KALRN: variants seen among roughly 807,000 people sequenced by gnomAD.
KALRN encodes the protein kalirin RhoGEF kinase, also known as kalirin.
Under a neutral mutation model 353.7 loss-of-function variants are expected in KALRN, and 70 were observed. The ratio of observed to expected loss-of-function variants is 0.20; its 90% confidence interval spans 0.16 to 0.24. The LOEUF (loss-of-function observed/expected upper bound fraction) is 0.24, where lower values mean the gene tolerates loss of function less well. Among genes scored for constraint, KALRN ranks in the 10% least tolerant of loss-of-function variants. The pLI, the probability that KALRN is intolerant of heterozygous loss-of-function variation, is 1.00. For synonymous variants in KALRN, 1,391 were observed against 1,434.8 expected, an observed-to-expected ratio of 0.97 and a Z score of 0.69; for missense variants, 2,791 against 3,756.7, an observed-to-expected ratio of 0.74 and a Z score of 6.72.
intron 1 of KALRN, chr3:124,152,420 C>T: frequency 7.4e-7 from 1 of 1,343,476 alleles, no homozygotes; most frequent in South Asian, 1.2e-5. Context: ...ATCCTGATGA[C>T]AAATGCCAAT....
At chr3:124,672,900 G>C (rs1177442026) in intron 48 of KALRN, among the ~76,000 whole-genome samples, 3 of 152,142 alleles carry the variant, frequency 2.0e-5, no homozygotes, top group Non-Finnish European at 4.4e-5. Flanking sequence ...ACATGTTCCA[G>C]TTTTATAGTT....
chr3:124,641,016 G>T (rs1354083), intron 37 of KALRN, among the ~76,000 whole-genome samples: 9 of 151,836 alleles, frequency 5.9e-5, no homozygotes, highest in African/African-American at 2.2e-4. Flanking sequence ...TTTAGAATTC[G>T]TTTGGCTCCC....
chr3:124,621,627 C>T (rs1009931319), intron 34 of KALRN, among the ~76,000 whole-genome samples: 1 of 152,182 alleles, frequency 6.6e-6, no homozygotes, highest in African/African-American at 2.4e-5. Context: ...TTCTAGCTCC[C>T]CCCACTTCCC....
At position 124,717,292 on chromosome 3, in the gene KALRN, A is replaced by T; in HGVS notation, c.8322A>T (p.Glu2774Asp). Reference sequence around the variant, plus strand: ...TAGACTACCTTATGAATCATGATGAACTGATGGAGGAAAAAGTAGCTTTCT... The same window carrying T: ...TAGACTACCTTATGAATCATGATGATCTGATGGAGGAAAAAGTAGCTTTCT... ...RLLDYLMNHD[E>D]LMEEKVAFYI... is the part of the protein sequence containing the mutation. The change falls in exon 59 of 60, where the codon GAA becomes GAT. Residue 2774 changes from glutamate to aspartate, a missense_variant. This residue lies in a region of KALRN where 188 missense variants were observed against 402.9 expected (regional missense o/e 0.47). Transcript: ENST00000682506. The T allele has an allele frequency of 6.2e-7, 1 of 1,613,204 alleles. No homozygotes were observed. The highest frequency in any genetic ancestry group is 8.5e-7 in the Non-Finnish European group (1 of 1,179,458).
At chr3:124,711,863 G>A (rs1028543785) in intron 57 of KALRN, among the ~76,000 whole-genome samples, 2 of 152,152 alleles carry the variant, frequency 1.3e-5, no homozygotes, top group African/African-American at 2.4e-5. Flanking sequence ...TATTGAAGTT[G>A]GCTGCATAGG....
At chr3:124,207,739 A>G (rs2076536864) in intron 1 of KALRN, among the ~76,000 whole-genome samples, 1 of 152,210 alleles carries the variant, frequency 6.6e-6, no homozygotes, top group African/African-American at 2.4e-5. Context: ...CCTTAGGGTA[A>G]TTGAGAGAAT....
intron 51 of KALRN, among the ~76,000 whole-genome samples, chr3:124,683,219 C>A (rs187956276): frequency 6.6e-6 from 1 of 152,260 alleles, no homozygotes; most frequent in Non-Finnish European, 1.5e-5. Flanking sequence ...GGTTAGACTG[C>A]CTTGTGCCTT....
intron 10 of KALRN, among the ~76,000 whole-genome samples, chr3:124,373,437 C>T (rs1052903550): frequency 2.2e-4 from 33 of 152,280 alleles, no homozygotes; most frequent in Non-Finnish European, 1.2e-4. Context: ...GTTTGTTTCC[C>T]GTGGCTACTG....
chr3:124,330,244 T>TCACA (rs1278125602), intron 8 of KALRN, among the ~76,000 whole-genome samples: 94 of 96,220 alleles, frequency 9.8e-4, no homozygotes, highest in Middle Eastern at 5.4e-3. Context: ...TCTCTCTCTC[T>TCACA]CTCACACACA....
At position 124,723,088 on chromosome 3, in the gene KALRN, A is replaced by G. The variant is rs2063379189; in HGVS notation, c.*3618A>G. On this transcript the variant is annotated 3_prime_UTR_variant, in exon 60 of 60. Transcript: ENST00000682506. Reference sequence around the variant, plus strand: ...TGGAGATATCCTTCAGGTCTCTCTCAGCCATAAACAATGTAAGGGGGAGTA... The same window carrying G: ...TGGAGATATCCTTCAGGTCTCTCTCGGCCATAAACAATGTAAGGGGGAGTA... The G allele has an allele frequency of 1.3e-5, 2 of 152,230 alleles. No individual in the cohort carries two copies. Among genetic ancestry groups the G allele is most frequent in the African/African-American group, 4.8e-5 (2 of 41,458 alleles). The allele number at this position is 152,230 out of a possible 1,614,324, so 9.4% of individuals were successfully genotyped here.
At chr3:124,509,337 C>T (rs574822529) in intron 33 of KALRN, among the ~76,000 whole-genome samples, 6 of 152,136 alleles carry the variant, frequency 3.9e-5, no homozygotes, top group African/African-American at 1.4e-4. Context: ...GCCCCCAGAG[C>T]TGCTGGGATT....
At chr3:124,064,976 C>T (rs1221395728) in intron 1 of KALRN, among the ~76,000 whole-genome samples, 1 of 152,102 alleles carries the variant, frequency 6.6e-6, no homozygotes, top group Non-Finnish European at 1.5e-5. Flanking sequence ...GAGTAGGTGA[C>T]AATGGACATA....
At chr3:124,447,063 A>G (rs369871737) in intron 21 of KALRN, among the ~76,000 whole-genome samples, 178 bp downstream of exon 21, 2 of 152,296 alleles carry the variant, frequency 1.3e-5, no homozygotes, top group East Asian at 3.9e-4. Flanking sequence ...TACCCAAAGA[A>G]TTGCAGCTGC....
chr3:124,255,690 G>A (rs542187440), intron 3 of KALRN, among the ~76,000 whole-genome samples: 275 of 152,312 alleles, frequency 1.8e-3, no homozygotes, highest in Non-Finnish European at 3.1e-3. Flanking sequence ...AAAGCACAGG[G>A]TCATGGCAAT....
At chr3:124,143,359 G>T (rs1016919444) in intron 1 of KALRN, among the ~76,000 whole-genome samples, 6 of 152,182 alleles carry the variant, frequency 3.9e-5, no homozygotes, top group Non-Finnish European at 8.8e-5. Context: ...GAGCCCAATG[G>T]GAAGTACCAG....
At chr3:124,349,902 C>G (rs1482085267) in intron 10 of KALRN, among the ~76,000 whole-genome samples, 2 of 152,130 alleles carry the variant, frequency 1.3e-5, no homozygotes, top group African/African-American at 2.4e-5. Context: ...GGGAGAGGGC[C>G]ACAGGTATCC....
intron 1 of KALRN, among the ~76,000 whole-genome samples, chr3:124,121,634 A>C (rs958106599): frequency 1.3e-5 from 2 of 152,226 alleles, no homozygotes; most frequent in Non-Finnish European, 2.9e-5. Flanking sequence ...ACCTGGTTGT[A>C]TGATAAAATG....
chr3:124,598,690 T>G (rs79321507), intron 34 of KALRN, among the ~76,000 whole-genome samples: 3,227 of 152,296 alleles, frequency 0.021, 49 homozygotes, highest in Middle Eastern at 0.058. Context: ...GTCATTGTTT[T>G]TGAGACAGGT....
At chr3:124,516,746 C>A (rs1313498571) in intron 33 of KALRN, among the ~76,000 whole-genome samples, 2 of 150,066 alleles carry the variant, frequency 1.3e-5, no homozygotes, top group Non-Finnish European at 3.0e-5. Flanking sequence ...ACATTACACA[C>A]AGAAAAAATG....
Sources: gnomAD v4.1 joint callset for allele counts (sites outside exome capture counted in the v4.1 genomes callset) on GRCh38, gnomAD v4.1.1 for gene constraint, gnomAD v4.1.1 regional missense constraint, MANE v1.5 for transcripts, NCBI Gene and HGNC (gene_info 2026-07-23, HGNC 2026-07-21) for gene names.